The following NEDD9 variants were observed in gnomAD, a reference collection of about 807,000 sequenced individuals.
NEDD9 encodes the protein neural precursor cell expressed, developmentally down-regulated 9.
A neutral mutation model predicts 76.6 loss-of-function variants in NEDD9; 26 were observed. That is an observed-to-expected ratio of 0.34 (90% confidence interval 0.25 to 0.47). The LOEUF is 0.47. NEDD9 is among the 20% of genes least tolerant of loss of function. NEDD9 has a pLI of 1.00. For missense variants in NEDD9, 937 were observed against 1,058.5 expected (o/e 0.89, Z 1.59); for synonymous variants, 392 against 414.2 (o/e 0.95, Z 0.65).
At chr6:11,227,331 A>T (rs1051289380) in intron 1 of NEDD9, among the ~76,000 whole-genome samples, 4 of 152,218 alleles carry the variant, frequency 2.6e-5, no homozygotes, top group African/African-American at 9.7e-5. Flanking sequence ...AGCTGGAGCC[A>T]GCTTGCATTG....
At chr6:11,322,970 G>A (rs984703286) in intron 2 of NEDD9, among the ~76,000 whole-genome samples, 2 of 152,182 alleles carry the variant, frequency 1.3e-5, no homozygotes, top group African/African-American at 2.4e-5. Context: ...TCCCGGCATG[G>A]GAGTCAATAC....
At chr6:11,296,889 C>A (rs767501295) in intron 3 of NEDD9, among the ~76,000 whole-genome samples, 1 of 152,150 alleles carries the variant, frequency 6.6e-6, no homozygotes, top group Admixed American at 6.5e-5. Flanking sequence ...TCACCATGCC[C>A]GGCTAATTTT....
At chr6:11,319,196 GACA>G (rs1046130697) in intron 2 of NEDD9, among the ~76,000 whole-genome samples, 2 of 152,344 alleles carry the variant, frequency 1.3e-5, no homozygotes, top group East Asian at 1.9e-4. Flanking sequence ...TTTCAGCTTG[GACA>G]ACATGACCAA....
chr6:11,188,488 C>T (rs951499499), intron 5 of NEDD9, among the ~76,000 whole-genome samples, 181 bp from the exon 6 acceptor site: 7 of 152,188 alleles, frequency 4.6e-5, no homozygotes, highest in African/African-American at 1.7e-4. Context: ...AGCCCATTGC[C>T]ATATAGGGTG....
chr6:11,380,407 G>T (rs1414340985), intron 1 of NEDD9, among the ~76,000 whole-genome samples: 3 of 152,248 alleles, frequency 2.0e-5, no homozygotes, highest in Non-Finnish European at 4.4e-5. Context: ...ATTCCGTGTA[G>T]ATTATTCCAC....
At chr6:11,276,273 T>G (rs187481926) in intron 3 of NEDD9, among the ~76,000 whole-genome samples, 33 of 152,366 alleles carry the variant, frequency 2.2e-4, no homozygotes, top group African/African-American at 6.5e-4. Flanking sequence ...AAGTTAATTA[T>G]TATTATTTAG....
intron 1 of NEDD9, among the ~76,000 whole-genome samples, chr6:11,379,512 T>C (rs1300455773): frequency 6.6e-6 from 1 of 152,066 alleles, no homozygotes; most frequent in African/African-American, 2.4e-5. Flanking sequence ...CACTTGAACC[T>C]GGGAGGCAGA....
chr6:11,247,366 C>T (rs1418773063), intron 3 of NEDD9, among the ~76,000 whole-genome samples: 4 of 152,160 alleles, frequency 2.6e-5, no homozygotes, highest in Admixed American at 6.5e-5. Flanking sequence ...AATGCTGCCC[C>T]GCCTTTCATA....
intron 3 of NEDD9, among the ~76,000 whole-genome samples, chr6:11,279,676 T>C (rs1760493188): frequency 6.6e-6 from 1 of 152,188 alleles, no homozygotes. Context: ...GCTCGCAGGA[T>C]ATCAAGGGTG....
intron 1 of NEDD9, among the ~76,000 whole-genome samples, chr6:11,339,259 G>A (rs1233267005): frequency 7.9e-5 from 12 of 151,924 alleles, no homozygotes; most frequent in African/African-American, 2.7e-4. Context: ...TACCAAACAT[G>A]CCTCATTCTT....
At chr6:11,279,791 T>C (rs557749239) in intron 3 of NEDD9, among the ~76,000 whole-genome samples, 1 of 152,222 alleles carries the variant, frequency 6.6e-6, no homozygotes, top group East Asian at 1.9e-4. Context: ...CTCCTCCCGC[T>C]CCCCGCACCC....
At chr6:11,335,352 G>A (rs1209688246) in intron 1 of NEDD9, among the ~76,000 whole-genome samples, 1 of 152,142 alleles carries the variant, frequency 6.6e-6, no homozygotes, top group Non-Finnish European at 1.5e-5. Flanking sequence ...CTGCCAGTCT[G>A]ATCCACTACA....
At chr6:11,204,432 C>T (rs1464347929) in intron 2 of NEDD9, among the ~76,000 whole-genome samples, 2 of 152,120 alleles carry the variant, frequency 1.3e-5, no homozygotes. Context: ...TTTGGAAAGA[C>T]AGTCTTAGGC....
At chr6:11,228,106 G>C (rs4713286) in intron 1 of NEDD9, among the ~76,000 whole-genome samples, 75,334 of 136,722 alleles carry the variant, frequency 0.55, 21,354 homozygotes, top group East Asian at 0.7. Context: ...CGGGTGGGGG[G>C]CTGGGGAGTA....
intron 3 of NEDD9, among the ~76,000 whole-genome samples, chr6:11,256,423 G>C (rs1237109802): frequency 4.6e-5 from 7 of 152,208 alleles, no homozygotes; most frequent in Non-Finnish European, 8.8e-5. Context: ...CTTGTTGGCT[G>C]TATTCACCAA....
intron 2 of NEDD9, among the ~76,000 whole-genome samples, chr6:11,323,107 A>ACAT (rs1761847399): frequency 6.6e-6 from 1 of 152,254 alleles, no homozygotes; most frequent in South Asian, 2.1e-4. Flanking sequence ...AGCTCTTGCT[A>ACAT]CATAGTAGTA....
At chr6:11,306,941 T>A (rs908276601) in intron 2 of NEDD9, among the ~76,000 whole-genome samples, 12 of 152,190 alleles carry the variant, frequency 7.9e-5, no homozygotes, top group Non-Finnish European at 1.8e-4. Context: ...TTTGAGATGG[T>A]GTGTGTGTAT....
chr6:11,259,756 A>T (rs1344804974), intron 3 of NEDD9, among the ~76,000 whole-genome samples: 1 of 152,216 alleles, frequency 6.6e-6, no homozygotes, highest in East Asian at 1.9e-4. Context: ...TTTTCCTATT[A>T]ACAGAGGTAG....
chr6:11,218,254 G>A (rs1012398633), intron 1 of NEDD9, among the ~76,000 whole-genome samples: 3 of 152,014 alleles, frequency 2.0e-5, no homozygotes, highest in African/African-American at 7.2e-5. Flanking sequence ...AGTAAGAGCC[G>A]CAGAGGTTTG....
Sources: gnomAD v4.1 joint callset for allele counts (sites outside exome capture counted in the v4.1 genomes callset) on GRCh38, gnomAD v4.1.1 for gene constraint, MANE v1.5 for transcripts, NCBI Gene and HGNC (gene_info 2026-07-23, HGNC 2026-07-21) for gene names.